Variants in HS6ST2 observed in about 807,000 individuals in gnomAD.
HS6ST2 encodes heparan sulfate 6-O-sulfotransferase 2, also known as heparan-sulfate 6-O-sulfotransferase 2.
In HS6ST2, 17 loss-of-function variants were observed where a neutral mutation model predicts 33.0. The observed-to-expected ratio is 0.52, with a 90% confidence interval of 0.35 to 0.77. HS6ST2 has a LOEUF of 0.77. Ranked by LOEUF, HS6ST2 falls within the 30% of genes least tolerant of loss-of-function variation. The pLI is 0.01. For missense variants in HS6ST2, 519 were observed against 551.7 expected (o/e 0.94, Z 0.59); for synonymous variants, 248 against 237.1 (o/e 1.05, Z -0.42).
intron 2 of HS6ST2, among the ~76,000 whole-genome samples, chrX:132,787,687 C>T (rs1165470702): frequency 9.3e-6 from 1 of 107,211 alleles, no homozygotes; most frequent in Non-Finnish European, 1.9e-5. Context: ...GTCAGGAGTT[C>T]GAGACCAGCC....
intron 2 of HS6ST2, among the ~76,000 whole-genome samples, chrX:132,757,082 T>G (rs1160264850): frequency 9.0e-6 from 1 of 111,702 alleles, no homozygotes; most frequent in Non-Finnish European, 1.9e-5. Context: ...TCTAACATTG[T>G]CTATTACAGA....
chrX:132,958,420 T>G lies in HS6ST2; in HGVS notation c.183A>C (p.Gly61=). 1 of 1,198,483 alleles carries G rather than the reference T, an allele frequency of 8.3e-7. No individual in the cohort carries two copies. Among genetic ancestry groups the G allele is most frequent in the Admixed American group, 2.2e-5 (1 of 45,610 alleles). Residue 61 remains glycine, a synonymous_variant, in exon 1 of 5, where the codon GGA becomes GGC. Coordinates refer to ENST00000370833, the MANE Select transcript of HS6ST2 (RefSeq NM_001394073.1). ...TGTCCAGGAGCGGCCGGGTGTGGAA[T>G]CCGTGAGACACACCCCTAGGAGGGC... is the stretch of plus-strand genomic sequence containing the variant. ...RAGPPRGVSH[G]FHTRPLLDKP...
chrX:132,941,766 A>G (rs1282561353), intron 2 of HS6ST2, among the ~76,000 whole-genome samples: 1 of 111,692 alleles, frequency 9.0e-6, no homozygotes, highest in Non-Finnish European at 1.9e-5. Flanking sequence ...CTTCCAGAAG[A>G]TTGTAGAATG....
chrX:132,951,336 C>A (rs754203620), intron 2 of HS6ST2, among the ~76,000 whole-genome samples: 1 of 111,114 alleles, frequency 9.0e-6, no homozygotes, highest in African/African-American at 3.3e-5. Context: ...AAGCATGAAC[C>A]TTTCGGGTCT....
At chrX:132,877,659 T>A (rs148552373) in intron 2 of HS6ST2, among the ~76,000 whole-genome samples, 4 of 111,107 alleles carry the variant, frequency 3.6e-5, no homozygotes, top group African/African-American at 1.3e-4. Flanking sequence ...AGAGCAAACA[T>A]GCAGGTGCCA....
Position 132,947,677 on chromosome X carries a change from C to T in HS6ST2, c.947+9131G>A, listed in dbSNP as rs1056373710. ...TTATGTTTTACCTTTGTCTCTTATA[C>T]ACAGCATATAGCTGGATTTTTTATT... On this transcript the variant is annotated intron_variant, in intron 2 of 4. Coordinates refer to ENST00000370833, the MANE Select transcript of HS6ST2 (RefSeq NM_001394073.1). Among the ~76,000 whole-genome samples the T allele has an allele frequency of 1.8e-5, 2 of 111,872 alleles. 1 individual carries two copies. The highest frequency in any genetic ancestry group is 3.8e-5 in the Non-Finnish European group (2 of 53,116).
In HS6ST2 at chrX:132,724,425, C is replaced by A. The variant is rs373003798; in HGVS notation, c.948-15931G>T. 4.3e-4 allele frequency among the ~76,000 whole-genome samples: 48 copies of A among 111,152 alleles called. No homozygotes were observed. The South Asian group carries it at 0.017, about 40-fold the overall frequency. The stretch of plus-strand genomic sequence containing the variant: ...CATTTACAATAGCCACAAATATAAT[C>A]AAATATCTAGGAATCAACTTAGTCA... On this transcript the variant is annotated intron_variant, in intron 2 of 4. Coordinates refer to ENST00000370833, the MANE Select transcript of HS6ST2 (RefSeq NM_001394073.1).
At chrX:132,684,868 A>G (rs2064003979) in intron 3 of HS6ST2, among the ~76,000 whole-genome samples, 1 of 111,708 alleles carries the variant, frequency 9.0e-6, no homozygotes, top group South Asian at 3.8e-4. Flanking sequence ...TTCTTTTATC[A>G]TCATCTACTT....
At chrX:132,895,004 C>T (rs1336593295) in intron 2 of HS6ST2, among the ~76,000 whole-genome samples, 1 of 112,536 alleles carries the variant, frequency 8.9e-6, no homozygotes, top group Non-Finnish European at 1.9e-5. Context: ...TTAAATTTCA[C>T]TTCAAGTGCC....
chrX:132,634,297 C>A (rs1055177909), intron 4 of HS6ST2, among the ~76,000 whole-genome samples: 2 of 111,987 alleles, frequency 1.8e-5, no homozygotes, highest in Non-Finnish European at 3.8e-5. Context: ...CTGAAGGGTG[C>A]CGCTGAATGG....
intron 4 of HS6ST2, among the ~76,000 whole-genome samples, chrX:132,642,123 C>A (rs375149775): frequency 4.5e-5 from 5 of 110,979 alleles, no homozygotes; most frequent in Admixed American, 1.9e-4. Flanking sequence ...AAGTAAGAGG[C>A]CTTTTTCACA....
chrX:132,923,701 C>T lies in HS6ST2; in HGVS notation c.947+33107G>A, dbSNP rs1173765930. Among the ~76,000 whole-genome samples the T allele has an allele frequency of 2.7e-5, 3 of 111,364 alleles. No individual in the cohort carries two copies. In the East Asian group the frequency reaches 8.5e-4, roughly 31 times the overall value. ...CAGTAGGTATTCATTTCCACTTCAC[C>T]ATTAAGGAGACTGAAGCAGACAGCA... On this transcript the variant is annotated intron_variant, in intron 2 of 4. Coordinates refer to ENST00000370833, the MANE Select transcript of HS6ST2 (RefSeq NM_001394073.1).
At chrX:132,926,916 C>A (rs1346220561) in intron 2 of HS6ST2, among the ~76,000 whole-genome samples, 1 of 110,918 alleles carries the variant, frequency 9.0e-6, no homozygotes, top group Non-Finnish European at 1.9e-5. Context: ...GAGGGGGACT[C>A]CGTCTCAAAA....
intron 2 of HS6ST2, among the ~76,000 whole-genome samples, chrX:132,727,773 T>C (rs1392340921): frequency 9.0e-6 from 1 of 111,434 alleles, no homozygotes; most frequent in East Asian, 2.8e-4. Flanking sequence ...TTGTACCCAT[T>C]AAGTAAAGTA....
intron 2 of HS6ST2, among the ~76,000 whole-genome samples, chrX:132,793,048 CTTTTTTTTTTTTTT>C (rs755535720): frequency 1.5e-4 from 8 of 53,241 alleles, no homozygotes; most frequent in East Asian, 7.0e-4. Context: ...AAATAAACTC[CTTTTTTTTTTTTTT>C]TTTTTTTTTT....
intron 2 of HS6ST2, among the ~76,000 whole-genome samples, chrX:132,869,444 C>G (rs895714493): frequency 2.7e-5 from 3 of 111,844 alleles, no homozygotes; most frequent in African/African-American, 9.7e-5. Flanking sequence ...GATACCAAAA[C>G]CTGGCAGAGA....
chrX:132,880,776 C>A (rs12392625), intron 2 of HS6ST2, among the ~76,000 whole-genome samples: 1 of 86,680 alleles, frequency 1.2e-5, no homozygotes, highest in Non-Finnish European at 2.3e-5. Context: ...ATCCCTCCCC[C>A]CTCCCCCCAC....
intron 2 of HS6ST2, among the ~76,000 whole-genome samples, chrX:132,873,870 G>A (rs1015454551): frequency 3.6e-5 from 4 of 111,156 alleles, no homozygotes; most frequent in Admixed American, 1.9e-4. Flanking sequence ...GTGAAATTGT[G>A]AGCAGCCCTC....
At chrX:132,932,013 C>T (rs1339383201) in intron 2 of HS6ST2, among the ~76,000 whole-genome samples, 1 of 108,912 alleles carries the variant, frequency 9.2e-6, no homozygotes, top group Non-Finnish European at 1.9e-5. Flanking sequence ...AGTGAAACCC[C>T]GTCTCTACTA....
Sources: gnomAD v4.1 joint callset for allele counts (sites outside exome capture counted in the v4.1 genomes callset) on GRCh38, gnomAD v4.1.1 for gene constraint, MANE v1.5 for transcripts, NCBI Gene and HGNC (gene_info 2026-07-23, HGNC 2026-07-21) for gene names.